The following ABCC1 variants were observed in gnomAD, a reference collection of about 807,000 sequenced individuals.
ABCC1 encodes ATP binding cassette subfamily C member 1 (ABCC1 blood group).
In ABCC1, 83 loss-of-function variants were observed where a neutral mutation model predicts 172.9. The ratio of observed to expected loss-of-function variants is 0.48; its 90% CI spans 0.40 to 0.58. The LOEUF (loss-of-function observed/expected upper bound fraction) is 0.58, where lower values mean the gene tolerates loss of function less well. Among genes scored for constraint, ABCC1 ranks in the 20% least tolerant of loss-of-function variants. The pLI is 0.00. For synonymous variants in ABCC1, 937 were observed against 825.2 expected, an observed-to-expected ratio of 1.14 and a Z score of -2.32; for missense variants, 1,817 against 2,002.7, an observed-to-expected ratio of 0.91 and a Z score of 1.77.
At chr16:16,011,094 G>A (rs1213429718) in intron 3 of ABCC1, among the ~76,000 whole-genome samples, 21 of 152,128 alleles carry the variant, frequency 1.4e-4, no homozygotes, top group Non-Finnish European at 2.9e-5. Context: ...ATTAGCCGGC[G>A]TGGTGGCACA....
In ABCC1 at chr16:15,967,853, A is replaced by T. The variant is rs1271367365; in HGVS notation, c.48+18054A>T. ...ACTATCACAACTCTGAGAACTGCTG[A>T]CATATACATATTTTGGAAGTTCCAG... On this transcript the variant is annotated intron_variant, in intron 1 of 30. Transcript: ENST00000399410. 2.0e-5 allele frequency among the ~76,000 whole-genome samples: 3 copies of T among 151,994 alleles called. 1 individual carries two copies. Among genetic ancestry groups the T allele is most frequent in the Non-Finnish European group, 2.9e-5 (2 of 68,010 alleles).
intron 26 of ABCC1, among the ~76,000 whole-genome samples, chr16:16,130,337 AT>A (rs59553978): frequency 5.1e-4 from 78 of 151,720 alleles, no homozygotes; most frequent in Admixed American, 9.8e-4. Flanking sequence ...ATTTATTTAA[AT>A]TTTTTTTTAT....
chr16:15,972,425 A>C (rs777208019), intron 1 of ABCC1, among the ~76,000 whole-genome samples: 23 of 152,108 alleles, frequency 1.5e-4, no homozygotes, highest in Non-Finnish European at 2.5e-4. Context: ...TGGATTAGTG[A>C]TGCAGGGTTG....
At chr16:15,978,168 G>C (rs2046534727) in intron 1 of ABCC1, among the ~76,000 whole-genome samples, 1 of 152,114 alleles carries the variant, frequency 6.6e-6, no homozygotes, top group South Asian at 2.1e-4. Context: ...CCAGGAGCTT[G>C]AGACCAGCCT....
At chr16:15,996,806 G>A (rs1242722672) in intron 1 of ABCC1, among the ~76,000 whole-genome samples, 1 of 152,130 alleles carries the variant, frequency 6.6e-6, no homozygotes, top group African/African-American at 2.4e-5. Context: ...TCAAGGCCAG[G>A]GTCATGTACA....
At chr16:16,127,031 C>G (rs531592453) in intron 26 of ABCC1, among the ~76,000 whole-genome samples, 1 of 152,078 alleles carries the variant, frequency 6.6e-6, no homozygotes, top group Non-Finnish European at 1.5e-5. Context: ...TTGCGTTGCC[C>G]TTAATAACTG....
rs1377313765 is a variant in ABCC1 at position 15,999,826 on chromosome 16, C to T, written c.49-7990C>T. On this transcript the variant is annotated intron_variant, in intron 1 of 30. Transcript: ENST00000399410. ...CTCTCTCTCCTCTCTCTCTCTCTCTCTCTCTCTGTCTCTTTCTTTCTTTCT... is the reference window on the plus strand; with the variant it reads ...CTCTCTCTCCTCTCTCTCTCTCTCTTTCTCTCTGTCTCTTTCTTTCTTTCT... Among the ~76,000 whole-genome samples, 252 of 46,020 alleles carry T rather than the reference C, an allele frequency of 5.5e-3. 2 individuals carry two copies. Among genetic ancestry groups the T allele is most frequent in the African/African-American group, 0.015 (246 of 16,906 alleles). The allele number at this position is 46,020 out of a possible 152,430, so 30.2% of individuals were successfully genotyped here.
rs202231250 is a variant in ABCC1 at position 16,014,555 on chromosome 16, T to C, written c.416T>C (p.Leu139Pro). ...RKGVQSSGIM[L>P]TFWLVALVCA... is the part of the protein sequence containing the mutation. ...GGAGTTCAGTCTTCAGGGATCATGCTCACTTTCTGGCTGGTAGCCCTAGTG... is the reference window on the plus strand; with the variant it reads ...GGAGTTCAGTCTTCAGGGATCATGCCCACTTTCTGGCTGGTAGCCCTAGTG... The change falls in exon 4 of 31, where the codon CTC (leucine) becomes CCC (proline). Residue 139 changes from leucine (L) to proline (P), a missense_variant. Leu to Pro is a moderately conservative substitution (Grantham distance 98). Coordinates refer to ENST00000399410, the MANE Select transcript of ABCC1 (RefSeq NM_004996.4). 6.2e-7 allele frequency: 1 copy of C among 1,614,188 alleles called. No individual in the cohort carries two copies. The highest frequency in any genetic ancestry group is 2.2e-5 in the East Asian group (1 of 44,886).
intron 1 of ABCC1, among the ~76,000 whole-genome samples, chr16:15,969,383 TTTC>T (rs1191454489): frequency 6.6e-5 from 10 of 151,522 alleles, no homozygotes; most frequent in Admixed American, 2.6e-4. Context: ...TTTTTTTTTT[TTTC>T]TTTTTAAGAG....
At chr16:16,022,142 G>T (rs2048215728) in intron 5 of ABCC1, among the ~76,000 whole-genome samples, 1 of 152,220 alleles carries the variant, frequency 6.6e-6, no homozygotes, top group Non-Finnish European at 1.5e-5. Context: ...GCCTGGGGCG[G>T]CTGGGGTCAG....
intron 1 of ABCC1, among the ~76,000 whole-genome samples, chr16:15,984,324 A>T (rs1417327836): frequency 6.6e-6 from 1 of 152,234 alleles, no homozygotes; most frequent in Non-Finnish European, 1.5e-5. Flanking sequence ...AAAAAAGCAG[A>T]CAAGTAAGAA....
intron 19 of ABCC1, among the ~76,000 whole-genome samples, chr16:16,096,459 T>C (rs1297924956): frequency 1.3e-5 from 2 of 152,100 alleles, no homozygotes; most frequent in Non-Finnish European, 2.9e-5. Flanking sequence ...TTACACAAAT[T>C]AGTTGTCAGC....
At chr16:16,134,293 C>T (rs2045827819) in intron 27 of ABCC1, 57 bp from the exon 28 acceptor site, 2 of 1,602,084 alleles carry the variant, frequency 1.2e-6, no homozygotes, top group Non-Finnish European at 1.7e-6. Context: ...CACTTTGGGG[C>T]AGGGACAAGT....
chr16:16,048,067 T>G (rs944816321), intron 9 of ABCC1, 75 bp from the exon 10 acceptor site: 8 of 1,534,978 alleles, frequency 5.2e-6, no homozygotes. Flanking sequence ...CTCCTTCCTC[T>G]CCGTGGGTCT....
At chr16:16,073,017 G>T (rs903802775) in intron 14 of ABCC1, among the ~76,000 whole-genome samples, 26 of 145,918 alleles carry the variant, frequency 1.8e-4, no homozygotes, top group Non-Finnish European at 2.1e-4. Flanking sequence ...ACTCCAGCCA[G>T]GGCAAAGAGT....
chr16:16,085,260 C>G (rs1265435794), intron 17 of ABCC1, among the ~76,000 whole-genome samples: 1 of 152,216 alleles, frequency 6.6e-6, no homozygotes, highest in Non-Finnish European at 1.5e-5. Context: ...ACCTCCACAC[C>G]TTGGTCTGAG....
At position 16,054,899 on chromosome 16, in the gene ABCC1, G is replaced by A. The variant is rs188605574; in HGVS notation, c.1474-1193G>A. Among the ~76,000 whole-genome samples the A allele has an allele frequency of 2.0e-3, 297 of 152,236 alleles. 5 individuals carry two copies. The highest frequency in any genetic ancestry group is 0.018 in the Admixed American group (268 of 15,278). Reference sequence around the variant, plus strand: ...GCACTGCACAAGTATCCACTATTTGGAACCAGTGCTAGCCAGTACAGAAAC... The same window carrying A: ...GCACTGCACAAGTATCCACTATTTGAAACCAGTGCTAGCCAGTACAGAAAC... On this transcript the variant is annotated intron_variant, in intron 11 of 30. Coordinates refer to ENST00000399410, the MANE Select transcript of ABCC1 (RefSeq NM_004996.4).
chr16:16,016,401 G>A lies in ABCC1; in HGVS notation c.490-95G>A, dbSNP rs878896583. The A allele has an allele frequency of 3.3e-6, 5 of 1,498,622 alleles. No individual in the cohort carries two copies. The South Asian group carries it at 6.1e-5, about 18-fold the overall frequency. 92.8% of individuals were successfully genotyped at this position (1,498,622 alleles called of 1,614,324 possible). A position where few individuals can be genotyped will look rare whatever the true frequency, so the allele number is the denominator to read the frequency against. On this transcript the variant is annotated intron_variant, in intron 4 of 30. Coordinates refer to ENST00000399410, the MANE Select transcript of ABCC1 (RefSeq NM_004996.4). ...ACTCTTGACCTCAGGTGTTCTGCCT[G>A]TCTCGGCCTCCAAAAGTGCTAGGAT...
chr16:16,083,676 C>A, intron 17 of ABCC1, 134 bp downstream of exon 17: 1 of 1,160,774 alleles, frequency 8.6e-7, no homozygotes, highest in Non-Finnish European at 1.2e-6. Context: ...GGCTCTGCTG[C>A]ACGCTGCAGG....
Sources: gnomAD v4.1 joint callset for allele counts (sites outside exome capture counted in the v4.1 genomes callset) on GRCh38, gnomAD v4.1.1 for gene constraint, MANE v1.5 for transcripts, NCBI Gene and HGNC (gene_info 2026-07-23, HGNC 2026-07-21) for gene names.